The following FRMD4A variants were observed in gnomAD, a reference collection of about 807,000 sequenced individuals.
The protein encoded by FRMD4A is FERM domain containing 4A.
FRMD4A carries 29 observed loss-of-function variants against 129.1 expected under a neutral mutation model. That is an observed-to-expected ratio of 0.22 (90% CI 0.17 to 0.31). FRMD4A has a LOEUF of 0.31. Among genes scored for constraint, FRMD4A ranks in the 10% least tolerant of loss-of-function variants. The pLI is 1.00. For missense variants in FRMD4A, 1,272 were observed against 1,375.8 expected (o/e 0.92, Z 1.19); for synonymous variants, 634 against 571.6 (o/e 1.11, Z -1.56).
chr10:13,903,141 A>C (rs2094840898), intron 2 of FRMD4A, among the ~76,000 whole-genome samples: 1 of 152,068 alleles, frequency 6.6e-6, no homozygotes, highest in Non-Finnish European at 1.5e-5. Flanking sequence ...TCAAGCTCTT[A>C]CCTTTTCAGG....
At chr10:13,798,716 C>CATAA (rs1379043782) in intron 4 of FRMD4A, among the ~76,000 whole-genome samples, 4 of 152,054 alleles carry the variant, frequency 2.6e-5, no homozygotes, top group South Asian at 2.1e-4. Flanking sequence ...GACTCCGTCT[C>CATAA]ATAAATAAAT....
chr10:13,802,206 G>C (rs1368421010), intron 4 of FRMD4A, among the ~76,000 whole-genome samples: 1 of 152,156 alleles, frequency 6.6e-6, no homozygotes, highest in African/African-American at 2.4e-5. Flanking sequence ...ATTGCTTTTA[G>C]CTTCTACATA....
chr10:13,674,622 C>T (rs1373561587), intron 16 of FRMD4A, among the ~76,000 whole-genome samples: 1 of 152,234 alleles, frequency 6.6e-6, no homozygotes, highest in Admixed American at 6.5e-5. Flanking sequence ...AACAGTATCA[C>T]ATAGTGCATT....
At chr10:13,791,401 A>AGG (rs1554899605) in intron 5 of FRMD4A, among the ~76,000 whole-genome samples, 2 of 92,352 alleles carry the variant, frequency 2.2e-5, no homozygotes, top group East Asian at 4.0e-4. Flanking sequence ...TAGAAATAAA[A>AGG]GGTGTGTGTG....
intron 2 of FRMD4A, among the ~76,000 whole-genome samples, chr10:14,058,484 T>C (rs996799337): frequency 3.3e-5 from 5 of 152,302 alleles, no homozygotes; most frequent in Non-Finnish European, 7.4e-5. Context: ...GTTTTTTAAA[T>C]AACATCCATG....
At chr10:13,667,390 G>A (rs2083143934) in intron 17 of FRMD4A, 1 of 91,698 alleles carries the variant, frequency 1.1e-5, no homozygotes, top group African/African-American at 4.4e-5. Context: ...TCTTTTTACT[G>A]TAGCTCCCTC....
chr10:13,956,290 C>A (rs1037824715), intron 2 of FRMD4A, among the ~76,000 whole-genome samples: 1 of 152,150 alleles, frequency 6.6e-6, no homozygotes, highest in Non-Finnish European at 1.5e-5. Context: ...GTAGCTGGGA[C>A]TGCAGGCATG....
intron 2 of FRMD4A, chr10:14,083,085 C>T (rs140868017): frequency 6.6e-6 from 1 of 152,332 alleles, no homozygotes; most frequent in African/African-American, 2.4e-5. Flanking sequence ...GCCCCTGCCT[C>T]GATCACTAAA....
chr10:13,748,723 G>A (rs1222345198), intron 8 of FRMD4A, among the ~76,000 whole-genome samples: 1 of 151,998 alleles, frequency 6.6e-6, no homozygotes, highest in East Asian at 1.9e-4. Flanking sequence ...CTTTTTGAGT[G>A]CCAACATGAC....
chr10:14,099,365 CA>C (rs1837176888), intron 2 of FRMD4A, among the ~76,000 whole-genome samples: 1 of 152,104 alleles, frequency 6.6e-6, no homozygotes, highest in Non-Finnish European at 1.5e-5. Flanking sequence ...AGAAAACTTC[CA>C]AGATAATTAC....
At chr10:14,093,075 C>T (rs773260237) in intron 2 of FRMD4A, among the ~76,000 whole-genome samples, 11 of 152,056 alleles carry the variant, frequency 7.2e-5, no homozygotes, top group Non-Finnish European at 1.0e-4. Context: ...GTAGGGGGCA[C>T]GGACGGGGAT....
intron 9 of FRMD4A, among the ~76,000 whole-genome samples, chr10:13,744,918 C>T (rs946102538): frequency 3.3e-5 from 5 of 152,124 alleles, no homozygotes; most frequent in Non-Finnish European, 7.4e-5. Flanking sequence ...CCTCTCCTTG[C>T]GGCTTTGCTT....
At chr10:13,660,579 C>G (rs375855470) in intron 19 of FRMD4A, 26 bp from the exon 20 acceptor site, 140 of 1,429,678 alleles carry the variant, frequency 9.8e-5, no homozygotes, top group Non-Finnish European at 1.3e-4. Flanking sequence ...AAGAGAGGAA[C>G]TGAGCCCCGG....
In FRMD4A at chr10:13,747,762, C is replaced by T; in HGVS notation, c.522G>A (p.Leu174=). 1 of 1,602,092 alleles carries T rather than the reference C, an allele frequency of 6.2e-7. No individual in the cohort carries two copies. Among genetic ancestry groups the T allele is most frequent in the Non-Finnish European group, 8.6e-7 (1 of 1,169,304 alleles). Residue 174 remains leucine, a synonymous_variant, in exon 9 of 25, where the codon CTG becomes CTA. Transcript: ENST00000357447. ...AGTAGGCCAGGGAAGGGTGCTCCTT[C>T]AGGGCTTGGGTGGGAAGGGCTGGCA... ...KKLPALPTQA[L]KEHPSLAYCE...
At chr10:13,666,906 C>CTT (rs1332736420) in intron 17 of FRMD4A, among the ~76,000 whole-genome samples, 1 of 129,506 alleles carries the variant, frequency 7.7e-6, no homozygotes, top group African/African-American at 3.3e-5. Flanking sequence ...CTTTTCTTTT[C>CTT]TTTTCTTTTT....
chr10:14,169,277 C>A (rs943973120), intron 2 of FRMD4A, among the ~76,000 whole-genome samples: 2 of 152,074 alleles, frequency 1.3e-5, no homozygotes, highest in African/African-American at 4.8e-5. Flanking sequence ...TTCTGATTAG[C>A]CCCAATTCCG....
intron 15 of FRMD4A, among the ~76,000 whole-genome samples, chr10:13,687,017 G>A (rs1269688998): frequency 6.6e-6 from 1 of 152,280 alleles, no homozygotes; most frequent in Non-Finnish European, 1.5e-5. Flanking sequence ...TTGGCCAGGT[G>A]TGGTGGCTCA....
chr10:13,668,884 C>T (rs1322237902), intron 17 of FRMD4A, among the ~76,000 whole-genome samples: 1 of 152,040 alleles, frequency 6.6e-6, no homozygotes, highest in African/African-American at 2.4e-5. Context: ...GGTGTGGCAC[C>T]CCTCCTTTGA....
chr10:13,648,183 A>G (rs937530754), intron 24 of FRMD4A: 3 of 152,338 alleles, frequency 2.0e-5, no homozygotes, highest in Admixed American at 1.3e-4. Context: ...GATTTTAATG[A>G]GAGTCCTGTG....
Sources: allele counts gnomAD v4.1 joint callset (sites outside exome capture counted in the v4.1 genomes callset), GRCh38; gene constraint gnomAD v4.1.1; transcripts MANE v1.5; gene names NCBI Gene and HGNC (gene_info 2026-07-23, HGNC 2026-07-21).